The following STAP2 variants were observed in gnomAD, a reference collection of about 807,000 sequenced individuals.
STAP2 encodes the protein signal transducing adaptor family member 2.
A neutral mutation model predicts 52.7 loss-of-function variants in STAP2; 58 were observed. The observed-to-expected ratio is 1.10, with a 90% confidence interval of 0.89 to 1.37. The LOEUF (loss-of-function observed/expected upper bound fraction) is 1.37, where lower values mean the gene tolerates loss of function less well. Among genes scored for constraint, STAP2 ranks in the 40% most tolerant of loss-of-function variants. The pLI is 0.00. For synonymous variants in STAP2, 231 were observed against 210.5 expected, an observed-to-expected ratio of 1.10 and a Z score of -0.84; for missense variants, 522 against 519.4, an observed-to-expected ratio of 1.00 and a Z score of -0.05.
chr19:4,327,073 G>C (rs1238404233), intron 8 of STAP2, 51 bp downstream of exon 8: 2 of 1,609,654 alleles, frequency 1.2e-6, no homozygotes, highest in Non-Finnish European at 1.7e-6. Context: ...GTCCGAGCGG[G>C]GGCGGGAGAG....
chr19:4,333,845 C>T (rs751435115), intron 2 of STAP2, 29 bp from the exon 3 acceptor site: 13 of 1,613,532 alleles, frequency 8.1e-6, no homozygotes, highest in Non-Finnish European at 1.7e-6. Flanking sequence ...GGGATCTGGG[C>T]ACCAGTTCCT....
intron 4 of STAP2, among the ~76,000 whole-genome samples, chr19:4,330,711 ATTTTTTTTTT>A (rs1210010568): frequency 8.5e-6 from 1 of 117,172 alleles, no homozygotes; most frequent in Non-Finnish European, 1.7e-5. Context: ...ATGTCAGCTA[ATTTTTTTTTT>A]TTTTTTTTTT....
chr19:4,327,570 C>T (rs1971815776), intron 6 of STAP2, among the ~76,000 whole-genome samples, 185 bp from the exon 7 acceptor site: 1 of 151,950 alleles, frequency 6.6e-6, no homozygotes, highest in African/African-American at 2.4e-5. Context: ...GTTGACCTCC[C>T]GGAGCACTGA....
chr19:4,325,496 G>A lies in STAP2; in HGVS notation c.879C>T (p.Ser293=), dbSNP rs1599547011. ...GGGGCAGTGGGGGCAGCTTGTCCTG[G>A]CTAGACGCAGGTGACAGCGGCTTGG... ...GGPKPLSPAS[S]QDKLPPLPPL... Residue 293 remains serine, a synonymous_variant, in exon 10 of 13, where the codon AGC becomes AGT. Transcript: ENST00000594605. 1 of 1,612,412 alleles carries A rather than the reference G, an allele frequency of 6.2e-7. No individual in the cohort carries two copies. Among genetic ancestry groups the A allele is most frequent in the Non-Finnish European group, 8.5e-7 (1 of 1,179,146 alleles).
rs145403592 is a variant in STAP2, at chr19:4,326,683, C to A, written c.829+259G>T. Among the ~76,000 whole-genome samples the A allele has an allele frequency of 3.7e-3, 568 of 152,240 alleles. 6 individuals are homozygous for A. Among genetic ancestry groups the A allele is most frequent in the African/African-American group, 0.013 (535 of 41,548 alleles). On this transcript the variant is annotated intron_variant, in intron 9 of 12. Transcript: ENST00000594605. ...ATCTTCTCCCGAACTCTAGGCGCCT[C>A]CCCCGAGCCCAGGTTTTTCCTCCAC...
At chr19:4,326,907 C>T (rs892225816) in intron 9 of STAP2, 35 bp downstream of exon 9, 1 of 1,549,970 alleles carries the variant, frequency 6.5e-7, no homozygotes, top group East Asian at 2.4e-5. Flanking sequence ...GGTCCTCGAT[C>T]CCTCCCACCT....
Position 4,338,559 on chromosome 19 carries a change from C to T in STAP2, c.102+93G>A, listed in dbSNP as rs577586475. On this transcript the variant is annotated intron_variant, in intron 1 of 12. Transcript: ENST00000594605. ...CTGCCCCATCCAGCACCCACCCCGC[C>T]CCCCCTTGGCGAGTGGGGAGACAGG... 7 of 745,752 alleles carry T rather than the reference C, an allele frequency of 9.4e-6. 1 individual carries two copies. Among genetic ancestry groups the T allele is most frequent in the East Asian group, 5.3e-5 (1 of 18,736 alleles). The allele number at this position is 745,752 out of a possible 1,614,324, so 46.2% of individuals were successfully genotyped here. A position where few individuals can be genotyped will look rare whatever the true frequency, so the allele number is the denominator to read the frequency against.
At position 4,332,069 on chromosome 19, in the gene STAP2, AG is replaced by A; in HGVS notation, c.306del (p.Leu103TrpfsTer12). The A allele has an allele frequency of 6.2e-7, 1 of 1,612,716 alleles. No homozygotes were observed. Among genetic ancestry groups the A allele is most frequent in the Non-Finnish European group, 8.5e-7 (1 of 1,179,692 alleles). ...RDQEIKFKVE[T>X]LECREMWKGF... ...CCTTTCCACATTTCCCGACACTCCA[AG>A]GTCTCTACCTGGGGAACAAAAGAAA... On this transcript the variant is annotated frameshift_variant, in exon 4 of 13. Transcript: ENST00000594605. LOFTEE classifies it high-confidence loss of function.
chr19:4,330,171 G>T (rs1599551381), intron 4 of STAP2, 110 bp from the exon 5 acceptor site: 1 of 792,326 alleles, frequency 1.3e-6, no homozygotes, highest in South Asian at 1.5e-5. Flanking sequence ...AATGAACTCT[G>T]ACACCTTAGA....
chr19:4,327,306 C>T lies in STAP2; in HGVS notation c.660+10G>A. ...AAAGTCACTTCTAGGGACTCTGGCC[C>T]AACGCTCACCGGCTGTTCCACATCG... On this transcript the variant is annotated intron_variant, in intron 7 of 12. Coordinates refer to ENST00000594605, the MANE Select transcript of STAP2 (RefSeq NM_001013841.2). 2 of 1,614,140 alleles carry T rather than the reference C, an allele frequency of 1.2e-6. No homozygotes were observed. Among genetic ancestry groups the T allele is most frequent in the Non-Finnish European group, 1.7e-6 (2 of 1,179,988 alleles).
rs778676340 is a variant in STAP2, at chr19:4,333,994, G to A, written c.153C>T (p.Tyr51=). Residue 51 remains tyrosine (Y), a synonymous_variant, in exon 2 of 13, where the codon TAC becomes TAT. Coordinates refer to ENST00000594605, the MANE Select transcript of STAP2 (RefSeq NM_001013841.2). ...TTACCTGGAAGTCCCGATTGCTATT[G>A]TAGAAATAAATGGTGAGACCCTGCA... ...AGLQGLTIYF[Y]NSNRDFQHVE... is the part of the protein sequence containing the mutation. 2 of 1,613,452 alleles carry A rather than the reference G, an allele frequency of 1.2e-6. No homozygotes were observed. Among genetic ancestry groups the A allele is most frequent in the Admixed American group, 1.7e-5 (1 of 59,834 alleles).
At chr19:4,327,040 G>A (rs2144780858) in intron 8 of STAP2, 33 bp from the exon 9 acceptor site, 1 of 1,590,586 alleles carries the variant, frequency 6.3e-7, no homozygotes, top group East Asian at 2.3e-5. Context: ...GAGGAAGCGC[G>A]GCGGCCAGGG....
intron 9 of STAP2, among the ~76,000 whole-genome samples, chr19:4,326,023 ATAAGT>A (rs1276309897): frequency 2.0e-5 from 3 of 151,422 alleles, no homozygotes; most frequent in African/African-American, 4.9e-5. Flanking sequence ...TTGAATCTAG[ATAAGT>A]TAAAGTGCAA....
chr19:4,334,174 C>G, intron 1 of STAP2, 130 bp from the exon 2 acceptor site: 1 of 672,028 alleles, frequency 1.5e-6, no homozygotes, highest in Non-Finnish European at 2.4e-6. Context: ...ATCTTTATTA[C>G]CTCCTGCCTT....
At chr19:4,337,160 T>C (rs1971993528) in intron 1 of STAP2, among the ~76,000 whole-genome samples, 1 of 151,808 alleles carries the variant, frequency 6.6e-6, no homozygotes, top group Non-Finnish European at 1.5e-5. Flanking sequence ...TCCCAGCAGT[T>C]TGGGAGGCTG....
intron 6 of STAP2, 97 bp downstream of exon 6, chr19:4,328,578 A>T: frequency 2.0e-6 from 3 of 1,478,838 alleles, no homozygotes; most frequent in Non-Finnish European, 2.7e-6. Flanking sequence ...CCTACCCACT[A>T]GCGGGTCGGA....
chr19:4,338,405 C>CG (rs1568390047), intron 1 of STAP2: 2 of 362,126 alleles, frequency 5.5e-6, no homozygotes, highest in East Asian at 9.0e-5. Flanking sequence ...AGACAGACAT[C>CG]GGGAGAGACA....
intron 1 of STAP2, among the ~76,000 whole-genome samples, chr19:4,335,546 C>T (rs1971968920): frequency 6.6e-6 from 1 of 152,158 alleles, no homozygotes; most frequent in African/African-American, 2.4e-5. Flanking sequence ...CCCCCATCTA[C>T]CCATCCACCT....
At chr19:4,329,114 C>T (rs1185800011) in intron 5 of STAP2, 1 of 350,006 alleles carries the variant, frequency 2.9e-6, no homozygotes, top group Non-Finnish European at 5.2e-6. Context: ...GATTCCCCTT[C>T]CTCACAGGCC....
Sources: gnomAD v4.1 joint callset for allele counts (sites outside exome capture counted in the v4.1 genomes callset) on GRCh38, gnomAD v4.1.1 for gene constraint, MANE v1.5 for transcripts, NCBI Gene and HGNC (gene_info 2026-07-23, HGNC 2026-07-21) for gene names.